Variants in KCNIP4 observed in about 807,000 individuals in gnomAD.
KCNIP4 encodes the protein Kv channel-interacting protein 4.
Under a neutral mutation model 34.0 loss-of-function variants are expected in KCNIP4, and 12 were observed. That is an observed-to-expected ratio of 0.35 (90% confidence interval 0.23 to 0.57). The LOEUF (loss-of-function observed/expected upper bound fraction) is 0.57. KCNIP4 is among the 20% of genes least tolerant of loss of function. The pLI is 0.83. For synonymous variants in KCNIP4, 124 were observed against 102.2 expected (o/e 1.21, Z -1.29); for missense variants, 238 against 311.7 (o/e 0.76, Z 1.78).
chr4:20,920,729 C>T (rs1014432546), intron 1 of KCNIP4, among the ~76,000 whole-genome samples: 5 of 152,268 alleles, frequency 3.3e-5, no homozygotes, highest in Admixed American at 6.5e-5. Flanking sequence ...CGGTGGCTCA[C>T]GCCTGTAATC....
Position 21,948,494 on chromosome 4 carries a change from G to A in KCNIP4, c.61+77C>T, listed in dbSNP as rs1045769889. 2.0e-6 allele frequency: 3 copies of A among 1,494,938 alleles called. No individual in the cohort carries two copies. The African/African-American group carries it at 4.1e-5, about 21-fold the overall frequency. 92.6% of individuals were successfully genotyped at this position (1,494,938 alleles called of 1,614,324 possible). Reference sequence around the variant, plus strand: ...CAACAAGCGTCCCCAGCCGAGGAAGGGAAGGGGCAGCCGTCTTGGCTCGCG... The same window carrying A: ...CAACAAGCGTCCCCAGCCGAGGAAGAGAAGGGGCAGCCGTCTTGGCTCGCG... On this transcript the variant is annotated intron_variant, in intron 1 of 8. Coordinates refer to ENST00000382152, the MANE Select transcript of KCNIP4 (RefSeq NM_025221.6).
intron 1 of KCNIP4, among the ~76,000 whole-genome samples, chr4:21,306,431 C>T (rs73113158): frequency 0.033 from 5,033 of 152,228 alleles, 191 homozygotes; most frequent in African/African-American, 0.085. Context: ...GGCTTGAGAG[C>T]AGTGGTGTGA....
At chr4:21,643,879 G>C (rs2109240771) in intron 1 of KCNIP4, among the ~76,000 whole-genome samples, 1 of 128,942 alleles carries the variant, frequency 7.8e-6, no homozygotes, top group African/African-American at 3.2e-5. Flanking sequence ...ATGATAGATA[G>C]ATAGATAGAT....
chr4:21,072,170 G>A (rs915015854), intron 1 of KCNIP4, among the ~76,000 whole-genome samples: 13 of 152,292 alleles, frequency 8.5e-5, no homozygotes, highest in Non-Finnish European at 5.9e-5. Flanking sequence ...TAATGGGATG[G>A]CTGGGTCAAA....
chr4:21,862,711 C>T (rs577306219), intron 1 of KCNIP4, among the ~76,000 whole-genome samples: 4 of 152,284 alleles, frequency 2.6e-5, no homozygotes, highest in East Asian at 3.9e-4. Flanking sequence ...TGGTGGCTCA[C>T]GCCTGTAATC....
chr4:20,812,655 C>A (rs1289867741), intron 3 of KCNIP4, among the ~76,000 whole-genome samples: 4 of 152,100 alleles, frequency 2.6e-5, no homozygotes, highest in Non-Finnish European at 5.9e-5. Flanking sequence ...TGGGGATGGG[C>A]AAGTGACCAA....
intron 1 of KCNIP4, among the ~76,000 whole-genome samples, chr4:21,770,839 A>T (rs986186018): frequency 6.6e-6 from 1 of 152,120 alleles, no homozygotes; most frequent in Non-Finnish European, 1.5e-5. Context: ...AATTCTGGAT[A>T]TTAGCCCTTT....
chr4:20,903,894 C>G (rs953674593), intron 1 of KCNIP4, among the ~76,000 whole-genome samples: 1 of 152,184 alleles, frequency 6.6e-6, no homozygotes, highest in African/African-American at 2.4e-5. Context: ...TCATCCACGC[C>G]TCCCTCCTCT....
At chr4:21,431,632 G>A (rs946417542) in intron 1 of KCNIP4, among the ~76,000 whole-genome samples, 4 of 151,956 alleles carry the variant, frequency 2.6e-5, no homozygotes, top group Non-Finnish European at 4.4e-5. Context: ...TTACCAGAGA[G>A]GTACAGAGCA....
chr4:20,872,761 C>G (rs889672813), intron 2 of KCNIP4, among the ~76,000 whole-genome samples: 4 of 151,992 alleles, frequency 2.6e-5, no homozygotes, highest in Non-Finnish European at 5.9e-5. Flanking sequence ...CCATTCTGGC[C>G]CAAATTAACA....
chr4:21,127,216 A>G (rs1750694759), intron 1 of KCNIP4, among the ~76,000 whole-genome samples: 1 of 152,110 alleles, frequency 6.6e-6, no homozygotes, highest in African/African-American at 2.4e-5. Context: ...TTACAGGGCA[A>G]TTGCTTCTGC....
intron 1 of KCNIP4, among the ~76,000 whole-genome samples, chr4:21,353,807 G>C (rs1005255656): frequency 2.0e-4 from 31 of 152,228 alleles, no homozygotes; most frequent in African/African-American, 7.0e-4. Flanking sequence ...ACACCACAAA[G>C]ATACGCCTTG....
chr4:21,768,935 A>AT (rs963230013), intron 1 of KCNIP4, among the ~76,000 whole-genome samples: 4 of 151,912 alleles, frequency 2.6e-5, no homozygotes, highest in African/African-American at 4.8e-5. Context: ...AACATTTGGA[A>AT]TTTTTTTCAA....
At position 21,370,883 on chromosome 4, in the gene KCNIP4, G is replaced by A. The variant is rs761470140; in HGVS notation, c.62-488174C>T. Among the ~76,000 whole-genome samples the A allele has an allele frequency of 5.9e-3, 78 of 13,124 alleles. 5 individuals carry two copies. Among genetic ancestry groups the A allele is most frequent in the Non-Finnish European group, 0.012 (61 of 4,996 alleles). 8.6% of individuals were successfully genotyped at this position (13,124 alleles called of 152,430 possible). ...CACACACACACACACACACACACAC[G>A]TGTGTGTGTGTGTGTGTGTATTAGC... On this transcript the variant is annotated intron_variant, in intron 1 of 8. Coordinates refer to ENST00000382152, the MANE Select transcript of KCNIP4 (RefSeq NM_025221.6).
intron 1 of KCNIP4, among the ~76,000 whole-genome samples, chr4:21,516,582 G>T (rs1734783672): frequency 6.6e-6 from 1 of 152,186 alleles, no homozygotes; most frequent in Non-Finnish European, 1.5e-5. Context: ...GCTTGCATCA[G>T]TTTCTTCTCC....
rs376203911 is a variant in KCNIP4 at position 21,326,526 on chromosome 4, G to A, written c.62-443817C>T. Among the ~76,000 whole-genome samples, 11 of 150,730 alleles carry A rather than the reference G, an allele frequency of 7.3e-5. No individual in the cohort carries two copies. The East Asian group carries it at 2.0e-3, about 27-fold the overall frequency. On this transcript the variant is annotated intron_variant, in intron 1 of 8. Coordinates refer to ENST00000382152, the MANE Select transcript of KCNIP4 (RefSeq NM_025221.6). ...AAGTGTGTATCTTTACAGGTGAAATGTGTATCTTGTAGACAACAGATCATT... is the reference window on the plus strand; with the variant it reads ...AAGTGTGTATCTTTACAGGTGAAATATGTATCTTGTAGACAACAGATCATT...
chr4:20,919,894 G>C (rs1729224651), intron 1 of KCNIP4, among the ~76,000 whole-genome samples: 1 of 151,934 alleles, frequency 6.6e-6, no homozygotes, highest in South Asian at 2.1e-4. Context: ...CCCAATTTCT[G>C]GCTAACACAT....
chr4:21,443,199 A>G (rs986484092), intron 1 of KCNIP4, among the ~76,000 whole-genome samples: 2 of 152,172 alleles, frequency 1.3e-5, no homozygotes. Context: ...GCTCAAGCCT[A>G]GTGAAGTCAG....
intron 1 of KCNIP4, among the ~76,000 whole-genome samples, chr4:20,908,549 T>G (rs1490988973): frequency 6.6e-6 from 1 of 152,222 alleles, no homozygotes; most frequent in African/African-American, 2.4e-5. Flanking sequence ...CTGGTTAAAA[T>G]TCCTCTAAAA....
Sources: allele counts gnomAD v4.1 joint callset (sites outside exome capture counted in the v4.1 genomes callset), GRCh38; gene constraint gnomAD v4.1.1; transcripts MANE v1.5; gene names NCBI Gene and HGNC (gene_info 2026-07-23, HGNC 2026-07-21).